Variants in FXR1 observed in about 807,000 individuals in gnomAD.
The protein encoded by FXR1 is FMR1 autosomal homolog 1, also known as RNA-binding protein FXR1.
A neutral mutation model predicts 84.0 loss-of-function variants in FXR1; 15 were observed. The ratio of observed to expected loss-of-function variants is 0.18; its 90% CI spans 0.12 to 0.27. The LOEUF is 0.27. Among genes scored for constraint, FXR1 ranks in the 10% least tolerant of loss-of-function variants. FXR1 has a pLI of 1.00. For synonymous variants in FXR1, 245 were observed against 250.7 expected, an observed-to-expected ratio of 0.98 and a Z score of 0.21; for missense variants, 480 against 774.4, an observed-to-expected ratio of 0.62 and a Z score of 4.51.
rs187470115 is a variant in FXR1 at position 180,941,309 on chromosome 3, C to T, written c.198+6078C>T. On this transcript the variant is annotated intron_variant, in intron 3 of 16. Coordinates refer to ENST00000357559, the MANE Select transcript of FXR1 (RefSeq NM_005087.4). ...CGGGCTCAAGGGATCTTCCCTGTCT[C>T]AGCTTCTTGAGTAGCTGGGATCATA... is the stretch of plus-strand genomic sequence containing the variant. Among the ~76,000 whole-genome samples the T allele has an allele frequency of 2.2e-4, 34 of 151,922 alleles. No individual in the cohort carries two copies. In the East Asian group the frequency reaches 6.4e-3, roughly 29 times the overall value.
intron 15 of FXR1, among the ~76,000 whole-genome samples, chr3:180,974,363 G>A (rs1486805008): frequency 5.3e-5 from 8 of 152,044 alleles, no homozygotes; most frequent in Non-Finnish European, 7.4e-5. Context: ...GGCTGGTCTC[G>A]AACTCCTGAC....
At position 180,978,146 on chromosome 3, in the gene FXR1, G is replaced by T. The variant is rs1308354042; in HGVS notation, c.*1854G>T. On this transcript the variant is annotated 3_prime_UTR_variant, in exon 17 of 17. Transcript: ENST00000357559. ...GGTTAAAAATTATAAGGTATTAGAAGAATTTTAATTAATGCCAAATTGGTA... is the reference window on the plus strand; with the variant it reads ...GGTTAAAAATTATAAGGTATTAGAATAATTTTAATTAATGCCAAATTGGTA... 1.5e-5 allele frequency: 2 copies of T among 136,074 alleles called. No individual in the cohort carries two copies. Among genetic ancestry groups the T allele is most frequent in the Non-Finnish European group, 1.6e-5 (1 of 63,072 alleles). The allele number at this position is 136,074 out of a possible 1,614,324, so 8.4% of individuals were successfully genotyped here.
chr3:180,913,323 C>T (rs1480481580), intron 1 of FXR1, among the ~76,000 whole-genome samples: 1 of 152,154 alleles, frequency 6.6e-6, no homozygotes, highest in African/African-American at 2.4e-5. Flanking sequence ...AGCAGAAAAC[C>T]TTGAATTGTG....
chr3:180,928,931 GT>G (rs35468799), intron 1 of FXR1, among the ~76,000 whole-genome samples: 3 of 150,014 alleles, frequency 2.0e-5, no homozygotes, highest in Non-Finnish European at 3.0e-5. Flanking sequence ...TTTTTTGTTT[GT>G]TTTTTTTTAG....
At chr3:180,953,309 ATCTCTGCAAAAAT>A (rs1722417706) in intron 8 of FXR1, among the ~76,000 whole-genome samples, 1 of 152,236 alleles carries the variant, frequency 6.6e-6, no homozygotes, top group Admixed American at 6.5e-5. Flanking sequence ...TAAAAAATGC[ATCTCTGCAAAAAT>A]AGCTTTTTAA....
chr3:180,929,272 T>C (rs1484990634), intron 1 of FXR1, among the ~76,000 whole-genome samples: 1 of 152,180 alleles, frequency 6.6e-6, no homozygotes, highest in Non-Finnish European at 1.5e-5. Flanking sequence ...ATGTGGGCAT[T>C]TTAAGATATT....
intron 9 of FXR1, among the ~76,000 whole-genome samples, chr3:180,954,549 A>G (rs1484974948): frequency 6.6e-6 from 1 of 152,170 alleles, no homozygotes; most frequent in Non-Finnish European, 1.5e-5. Flanking sequence ...TCTTTTTGCT[A>G]TTTGAGGCAA....
intron 3 of FXR1, among the ~76,000 whole-genome samples, chr3:180,937,471 A>C (rs1371114310): frequency 6.6e-6 from 1 of 152,056 alleles, no homozygotes; most frequent in Non-Finnish European, 1.5e-5. Flanking sequence ...TGAAGAAGAC[A>C]TTGGTGTTAG....
intron 11 of FXR1, 46 bp downstream of exon 11, chr3:180,961,600 A>AT: frequency 6.8e-6 from 6 of 877,872 alleles, no homozygotes; most frequent in South Asian, 1.4e-5. Flanking sequence ...TGCTGCATTT[A>AT]CTACATAAAT....
intron 1 of FXR1, among the ~76,000 whole-genome samples, chr3:180,915,969 A>G (rs977185367): frequency 6.6e-6 from 1 of 152,230 alleles, no homozygotes; most frequent in African/African-American, 2.4e-5. Context: ...TGATTTGTGC[A>G]TGTTCGTAGC....
At position 180,925,240 on chromosome 3, in the gene FXR1, A is replaced by G. The variant is rs373700323; in HGVS notation, c.52-8094A>G. ...GCCGGGCATGGTGGCACGTGCCTCT[A>G]GTCCCAGCTACTCGGAAGGCTAAGG... On this transcript the variant is annotated intron_variant, in intron 1 of 16. Transcript: ENST00000357559. Among the ~76,000 whole-genome samples the G allele has an allele frequency of 5.1e-4, 77 of 152,148 alleles. 1 individual carries two copies. The South Asian group carries it at 0.015, about 29-fold the overall frequency.
intron 15 of FXR1, 47 bp downstream of exon 15, chr3:180,970,405 T>C (rs1299690293): frequency 3.4e-6 from 1 of 290,074 alleles, no homozygotes. Flanking sequence ...TATATATATA[T>C]ATATATATAT....
At chr3:180,914,323 T>C (rs571818091) in intron 1 of FXR1, among the ~76,000 whole-genome samples, 2 of 152,316 alleles carry the variant, frequency 1.3e-5, no homozygotes, top group East Asian at 3.9e-4. Context: ...GACTTATCTA[T>C]GTTTTTCCTA....
chr3:180,932,623 C>G (rs144257835), intron 1 of FXR1, among the ~76,000 whole-genome samples: 1 of 152,016 alleles, frequency 6.6e-6, no homozygotes, highest in African/African-American at 2.4e-5. Context: ...GAAAAATGAC[C>G]GCCAATTGTT....
At chr3:180,953,481 T>C (rs754473226) in intron 8 of FXR1, among the ~76,000 whole-genome samples, 20 of 152,330 alleles carry the variant, frequency 1.3e-4, no homozygotes, top group Non-Finnish European at 2.8e-4. Flanking sequence ...CTGTGTAATT[T>C]AAACTCTGAC....
At chr3:180,942,487 A>C (rs1439790836) in intron 3 of FXR1, among the ~76,000 whole-genome samples, 1 of 151,200 alleles carries the variant, frequency 6.6e-6, no homozygotes, top group Non-Finnish European at 1.5e-5. Flanking sequence ...AATCACTCAC[A>C]TTTGTTTGCT....
intron 3 of FXR1, among the ~76,000 whole-genome samples, chr3:180,940,847 A>G (rs1721049387): frequency 6.6e-6 from 1 of 152,150 alleles, no homozygotes; most frequent in Admixed American, 6.5e-5. Context: ...AAGTGCCAGG[A>G]TTACAGGCTT....
At chr3:180,929,197 G>A (rs1031482199) in intron 1 of FXR1, among the ~76,000 whole-genome samples, 5 of 152,034 alleles carry the variant, frequency 3.3e-5, no homozygotes, top group Non-Finnish European at 7.4e-5. Context: ...GAGCCACCGC[G>A]CCCGGCCTAA....
At chr3:180,926,311 TC>T (rs753090660) in intron 1 of FXR1, among the ~76,000 whole-genome samples, 3 of 151,886 alleles carry the variant, frequency 2.0e-5, no homozygotes, top group Non-Finnish European at 4.4e-5. Flanking sequence ...GTCTGATACT[TC>T]CTTTTGCTTC....
Sources: allele counts gnomAD v4.1 joint callset (sites outside exome capture counted in the v4.1 genomes callset), GRCh38; gene constraint gnomAD v4.1.1; transcripts MANE v1.5; gene names NCBI Gene and HGNC (gene_info 2026-07-23, HGNC 2026-07-21).